The following LRRTM4 variants were observed in gnomAD, a reference collection of about 807,000 sequenced individuals.
LRRTM4 encodes the protein leucine rich repeat transmembrane neuronal 4, also known as leucine-rich repeat transmembrane neuronal protein 4.
LRRTM4 carries 25 observed loss-of-function variants against 47.6 expected under a neutral mutation model. The ratio of observed to expected loss-of-function variants is 0.53; its 90% CI spans 0.38 to 0.73. The LOEUF (loss-of-function observed/expected upper bound fraction) is 0.73. LRRTM4 is among the 30% of genes least tolerant of loss of function. LRRTM4 has a pLI of 0.00. For missense variants in LRRTM4, 638 were observed against 713.4 expected, an observed-to-expected ratio of 0.89 and a Z score of 1.20; for synonymous variants, 311 against 269.5, an observed-to-expected ratio of 1.15 and a Z score of -1.51.
intron 3 of LRRTM4, among the ~76,000 whole-genome samples, chr2:77,032,789 A>C (rs920233941): frequency 5.9e-5 from 9 of 152,122 alleles, no homozygotes; most frequent in African/African-American, 2.2e-4. Flanking sequence ...GCATTTATAG[A>C]AATTATGTTT....
intron 3 of LRRTM4, among the ~76,000 whole-genome samples, chr2:77,126,226 G>C (rs936591483): frequency 2.6e-5 from 4 of 151,782 alleles, no homozygotes; most frequent in African/African-American, 7.3e-5. Context: ...AAAACTTGAT[G>C]ACATAGTCCA....
At chr2:77,173,052 C>A (rs1205580091) in intron 3 of LRRTM4, among the ~76,000 whole-genome samples, 1 of 152,134 alleles carries the variant, frequency 6.6e-6, no homozygotes, top group Non-Finnish European at 1.5e-5. Flanking sequence ...CAATGATGGG[C>A]ATGATGGACA....
chr2:77,457,261 T>A (rs1466422364), intron 3 of LRRTM4, among the ~76,000 whole-genome samples: 2 of 151,894 alleles, frequency 1.3e-5, no homozygotes, highest in Non-Finnish European at 2.9e-5. Flanking sequence ...CAAAATCTGT[T>A]TTTCTCTCAG....
rs996761262 is a variant in LRRTM4, at chr2:77,117,927, C to T, written c.1552-369011G>A. On this transcript the variant is annotated intron_variant, in intron 3 of 3. Transcript: ENST00000409884. ...ATGGAATTCCTGTATTATAGAATAA[C>T]TTGGTCTCCATCTGCAAAATTCAAG... Among the ~76,000 whole-genome samples the T allele has an allele frequency of 2.6e-5, 4 of 152,006 alleles. No individual in the cohort carries two copies. In the East Asian group the frequency reaches 7.7e-4, roughly 29 times the overall value.
At chr2:76,971,366 C>G (rs1676213630) in intron 3 of LRRTM4, among the ~76,000 whole-genome samples, 1 of 151,978 alleles carries the variant, frequency 6.6e-6, no homozygotes, top group Non-Finnish European at 1.5e-5. Flanking sequence ...CCACAGATTT[C>G]CAAAGTTTGG....
At chr2:77,240,033 G>A (rs1284706840) in intron 3 of LRRTM4, among the ~76,000 whole-genome samples, 1 of 151,606 alleles carries the variant, frequency 6.6e-6, no homozygotes, top group African/African-American at 2.4e-5. Context: ...CATATTCTGG[G>A]TCATAAAATA....
At chr2:77,074,626 T>C (rs1273496532) in intron 3 of LRRTM4, among the ~76,000 whole-genome samples, 1 of 152,174 alleles carries the variant, frequency 6.6e-6, no homozygotes, top group Non-Finnish European at 1.5e-5. Context: ...TTTTTATCAC[T>C]GTGAATTATA....
intron 3 of LRRTM4, among the ~76,000 whole-genome samples, chr2:76,787,772 G>A (rs921164643): frequency 2.0e-5 from 3 of 151,950 alleles, no homozygotes; most frequent in Admixed American, 1.3e-4. Context: ...TAGATATTCT[G>A]ACAGATAGAG....
At chr2:76,840,344 T>C (rs1409772957) in intron 3 of LRRTM4, among the ~76,000 whole-genome samples, 3 of 152,250 alleles carry the variant, frequency 2.0e-5, no homozygotes, top group Non-Finnish European at 4.4e-5. Context: ...AGCTGTCTTC[T>C]ACAAACCTGG....
At chr2:76,989,710 A>C (rs1676936339) in intron 3 of LRRTM4, 1 of 151,698 alleles carries the variant, frequency 6.6e-6, no homozygotes, top group African/African-American at 2.4e-5. Flanking sequence ...AATCTATACC[A>C]GTCATATTAA....
intron 3 of LRRTM4, among the ~76,000 whole-genome samples, chr2:77,331,092 C>G (rs1444511205): frequency 1.3e-5 from 2 of 152,062 alleles, no homozygotes; most frequent in African/African-American, 4.8e-5. Context: ...GTGGGTGGAT[C>G]TAGAGATGCA....
intron 3 of LRRTM4, among the ~76,000 whole-genome samples, chr2:77,052,468 C>T (rs967344384): frequency 4.6e-5 from 7 of 151,820 alleles, no homozygotes; most frequent in South Asian, 2.1e-4. Flanking sequence ...CATGCCCAGC[C>T]GACATCTCCC....
At chr2:77,357,905 A>G (rs1014460516) in intron 3 of LRRTM4, among the ~76,000 whole-genome samples, 1 of 152,094 alleles carries the variant, frequency 6.6e-6, no homozygotes, top group Admixed American at 6.6e-5. Flanking sequence ...AGGGATTCTT[A>G]TTATTTTATT....
intron 3 of LRRTM4, among the ~76,000 whole-genome samples, chr2:76,801,873 A>G (rs918336079): frequency 1.3e-5 from 2 of 152,184 alleles, no homozygotes; most frequent in East Asian, 1.9e-4. Context: ...GACAAACACC[A>G]TAAGATCATC....
intron 3 of LRRTM4, among the ~76,000 whole-genome samples, chr2:77,212,466 T>G (rs1466626394): frequency 1.4e-5 from 2 of 146,662 alleles, no homozygotes; most frequent in Admixed American, 1.4e-4. Flanking sequence ...ATTATATATA[T>G]ATATATATAG....
intron 3 of LRRTM4, among the ~76,000 whole-genome samples, chr2:77,374,794 T>C (rs971187173): frequency 2.0e-5 from 3 of 151,784 alleles, no homozygotes; most frequent in Non-Finnish European, 4.4e-5. Flanking sequence ...CACTACTTGA[T>C]CTCATTGCCA....
At chr2:76,905,518 G>C (rs1200139016) in intron 3 of LRRTM4, among the ~76,000 whole-genome samples, 1 of 152,156 alleles carries the variant, frequency 6.6e-6, no homozygotes, top group Non-Finnish European at 1.5e-5. Context: ...TTGACGAGTT[G>C]AGAGAAGAAG....
chr2:76,848,422 A>T (rs1231136536), intron 3 of LRRTM4, among the ~76,000 whole-genome samples: 2 of 152,006 alleles, frequency 1.3e-5, no homozygotes, highest in Non-Finnish European at 2.9e-5. Context: ...ACTTCCCTCA[A>T]ATTTTAAGTC....
intron 3 of LRRTM4, among the ~76,000 whole-genome samples, chr2:76,790,312 C>T (rs1017163151): frequency 7.9e-5 from 12 of 152,034 alleles, no homozygotes; most frequent in African/African-American, 2.4e-5. Flanking sequence ...GCCTCTATTT[C>T]TGAGGGATTT....
Sources: allele counts gnomAD v4.1 joint callset (sites outside exome capture counted in the v4.1 genomes callset), GRCh38; gene constraint gnomAD v4.1.1; transcripts MANE v1.5; gene names NCBI Gene and HGNC (gene_info 2026-07-23, HGNC 2026-07-21).